Variants in LRP1B observed in about 807,000 individuals in gnomAD.
LRP1B encodes the protein low-density lipoprotein receptor-related protein 1B.
Under a neutral mutation model 556.6 loss-of-function variants are expected in LRP1B, and 217 were observed. The observed-to-expected ratio is 0.39, with a 90% CI of 0.35 to 0.44. The LOEUF (loss-of-function observed/expected upper bound fraction) is 0.44. Ranked by LOEUF, LRP1B falls within the 20% of genes least tolerant of loss-of-function variation. The pLI is 1.00. For missense variants in LRP1B, 5,053 were observed against 5,620.8 expected, an observed-to-expected ratio of 0.90 and a Z score of 3.23; for synonymous variants, 2,047 against 1,865.8, an observed-to-expected ratio of 1.10 and a Z score of -2.50.
intron 2 of LRP1B, among the ~76,000 whole-genome samples, chr2:141,496,655 T>C (rs560811250): frequency 2.7e-4 from 41 of 152,176 alleles, no homozygotes; most frequent in African/African-American, 9.4e-4. Context: ...CTGTCACAGA[T>C]TCTTATGAAT....
chr2:141,777,460 G>A (rs1695114552), intron 2 of LRP1B, among the ~76,000 whole-genome samples: 1 of 151,956 alleles, frequency 6.6e-6, no homozygotes, highest in African/African-American at 2.4e-5. Flanking sequence ...CTCTCGCCCA[G>A]GCTGGAGTAT....
At chr2:140,727,328 G>A (rs546427688) in intron 35 of LRP1B, among the ~76,000 whole-genome samples, 2 of 152,084 alleles carry the variant, frequency 1.3e-5, no homozygotes, top group African/African-American at 4.8e-5. Context: ...AGGAGGGACA[G>A]GCCTGAAATC....
At chr2:140,776,349 C>T (rs1032136518) in intron 32 of LRP1B, 111 bp from the exon 33 acceptor site, 3 of 692,476 alleles carry the variant, frequency 4.3e-6, no homozygotes, top group Admixed American at 3.9e-5. Flanking sequence ...TATTTCCAAA[C>T]TCTGTTTCTA....
intron 31 of LRP1B, among the ~76,000 whole-genome samples, chr2:140,825,705 T>G (rs966548607): frequency 6.7e-6 from 1 of 148,830 alleles, no homozygotes; most frequent in East Asian, 1.9e-4. Context: ...ATTGTGGAAT[T>G]TTTTTTTTCT....
intron 43 of LRP1B, among the ~76,000 whole-genome samples, chr2:140,547,213 A>G (rs1303237187): frequency 6.6e-6 from 1 of 152,030 alleles, no homozygotes; most frequent in Non-Finnish European, 1.5e-5. Flanking sequence ...TTTTTGTACT[A>G]ATTTCAGCAG....
intron 20 of LRP1B, among the ~76,000 whole-genome samples, chr2:140,946,885 A>G (rs147920648): frequency 4.2e-4 from 64 of 152,308 alleles, no homozygotes; most frequent in African/African-American, 1.5e-3. Flanking sequence ...ACATGAATGC[A>G]TCTGGAGGCC....
At chr2:141,405,777 T>A (rs1388428839) in intron 3 of LRP1B, among the ~76,000 whole-genome samples, 2 of 152,124 alleles carry the variant, frequency 1.3e-5, no homozygotes, top group Non-Finnish European at 2.9e-5. Flanking sequence ...AAACATATGA[T>A]AAAAATTTGG....
In LRP1B at chr2:141,096,538, T is replaced by G. The variant is rs186380955; in HGVS notation, c.1014-34265A>C. Among the ~76,000 whole-genome samples, 13 of 151,370 alleles carry G rather than the reference T, an allele frequency of 8.6e-5. 1 individual carries two copies. In the East Asian group the frequency reaches 2.0e-3, roughly 23 times the overall value. On this transcript the variant is annotated intron_variant, in intron 7 of 90. Coordinates refer to ENST00000389484, the MANE Select transcript of LRP1B (RefSeq NM_018557.3). The stretch of plus-strand genomic sequence containing the variant: ...CTAAATTATGTAACACACCTATCTG[T>G]GATTATGCATCACACCTGGGAGGCG...
chr2:141,979,208 C>T (rs1559000102), intron 1 of LRP1B, among the ~76,000 whole-genome samples: 4 of 151,996 alleles, frequency 2.6e-5, no homozygotes, highest in Non-Finnish European at 5.9e-5. Context: ...CTAAATTGTA[C>T]AACTCCTCAC....
intron 2 of LRP1B, among the ~76,000 whole-genome samples, chr2:141,713,573 T>C (rs1243448064): frequency 6.6e-6 from 1 of 152,174 alleles, no homozygotes; most frequent in African/African-American, 2.4e-5. Context: ...AACTCTAATA[T>C]ACAAAGCTTT....
chr2:141,295,791 A>ACACAC (rs70991154), intron 3 of LRP1B, among the ~76,000 whole-genome samples: 1 of 142,352 alleles, frequency 7.0e-6, no homozygotes, highest in Non-Finnish European at 1.6e-5. Context: ...ACACACACAC[A>ACACAC]TAACAGTGGG....
chr2:140,282,622 G>C (rs1388769783), intron 84 of LRP1B, among the ~76,000 whole-genome samples: 1 of 151,702 alleles, frequency 6.6e-6, no homozygotes, highest in African/African-American at 2.4e-5. Context: ...GAATATTAAA[G>C]GATCCTGTAG....
chr2:141,662,901 A>T (rs1488819069), intron 2 of LRP1B, among the ~76,000 whole-genome samples: 3 of 152,122 alleles, frequency 2.0e-5, no homozygotes, highest in Non-Finnish European at 4.4e-5. Flanking sequence ...CATGACACTT[A>T]CTCCAAAATT....
intron 81 of LRP1B, among the ~76,000 whole-genome samples, chr2:140,323,310 A>G (rs1259222904): frequency 6.6e-6 from 1 of 152,012 alleles, no homozygotes; most frequent in Non-Finnish European, 1.5e-5. Context: ...CCTTTCTAGG[A>G]GGGAGACTAA....
At chr2:140,933,226 C>T (rs1363585674) in intron 20 of LRP1B, among the ~76,000 whole-genome samples, 2 of 151,948 alleles carry the variant, frequency 1.3e-5, no homozygotes, top group African/African-American at 4.8e-5. Context: ...TCAGTTGAAG[C>T]TTCATATAAA....
chr2:140,949,198 TTTA>T (rs1695632124), intron 20 of LRP1B, among the ~76,000 whole-genome samples: 1 of 152,264 alleles, frequency 6.6e-6, no homozygotes, highest in South Asian at 2.1e-4. Context: ...CATCCTTTTA[TTTA>T]TTCTTTAGTC....
chr2:141,024,387 G>A (rs1407839652), intron 11 of LRP1B, among the ~76,000 whole-genome samples: 1 of 151,968 alleles, frequency 6.6e-6, no homozygotes, highest in Non-Finnish European at 1.5e-5. Context: ...GATATGTAGA[G>A]TGCATATAAG....
intron 2 of LRP1B, among the ~76,000 whole-genome samples, chr2:141,484,637 A>G (rs1174894155): frequency 2.0e-5 from 3 of 151,880 alleles, no homozygotes; most frequent in Non-Finnish European, 2.9e-5. Context: ...CTTTTATTTC[A>G]TTGAGCAGTG....
At chr2:142,109,896 T>C (rs183738814) in intron 1 of LRP1B, among the ~76,000 whole-genome samples, 1 of 152,248 alleles carries the variant, frequency 6.6e-6, no homozygotes, top group Admixed American at 6.5e-5. Flanking sequence ...CACAGGCCCC[T>C]TACCTGAAGA....
Sources: gnomAD v4.1 joint callset for allele counts (sites outside exome capture counted in the v4.1 genomes callset) on GRCh38, gnomAD v4.1.1 for gene constraint, MANE v1.5 for transcripts, NCBI Gene and HGNC (gene_info 2026-07-23, HGNC 2026-07-21) for gene names.